FHIT: variants seen among roughly 807,000 people sequenced by gnomAD.
The protein encoded by FHIT is bis(5'-adenosyl)-triphosphatase.
Under a neutral mutation model 17.9 loss-of-function variants are expected in FHIT, and 19 were observed. The observed-to-expected ratio is 1.06, with a 90% confidence interval of 0.74 to 1.56. The LOEUF (loss-of-function observed/expected upper bound fraction) is 1.56. FHIT is among the 40% of genes most tolerant of loss of function. FHIT has a pLI of 0.00. For synonymous variants in FHIT, 81 were observed against 69.7 expected, an observed-to-expected ratio of 1.16 and a Z score of -0.81; for missense variants, 248 against 189.2, an observed-to-expected ratio of 1.31 and a Z score of -1.82.
intron 8 of FHIT, among the ~76,000 whole-genome samples, chr3:59,790,459 C>T (rs967654828): frequency 8.5e-5 from 13 of 152,102 alleles, no homozygotes; most frequent in African/African-American, 3.1e-4. Context: ...GCTTCCCTAA[C>T]TTTTACTTTC....
At chr3:60,590,214 G>A (rs1048248151) in intron 4 of FHIT, among the ~76,000 whole-genome samples, 1 of 151,948 alleles carries the variant, frequency 6.6e-6, no homozygotes. Flanking sequence ...TCTGTGGAAC[G>A]CTTCAGATCA....
chr3:60,545,133 A>G (rs374777875), intron 4 of FHIT, among the ~76,000 whole-genome samples: 6 of 151,648 alleles, frequency 4.0e-5, no homozygotes, highest in African/African-American at 1.2e-4. Flanking sequence ...TCTTAGCCAT[A>G]TATCCTTTTC....
At chr3:60,889,505 A>G (rs1553760143) in intron 3 of FHIT, among the ~76,000 whole-genome samples, 1 of 152,238 alleles carries the variant, frequency 6.6e-6, no homozygotes, top group African/African-American at 2.4e-5. Context: ...GCTACAATCT[A>G]TAGAGCACTT....
At chr3:60,022,056 C>T (rs1700571947) in intron 5 of FHIT, among the ~76,000 whole-genome samples, 1 of 152,140 alleles carries the variant, frequency 6.6e-6, no homozygotes. Context: ...TGCTTATCTA[C>T]AAAATAATAA....
intron 5 of FHIT, among the ~76,000 whole-genome samples, chr3:60,426,093 C>G (rs1702653875): frequency 6.6e-6 from 1 of 152,128 alleles, no homozygotes; most frequent in African/African-American, 2.4e-5. Flanking sequence ...AGCCTGGGCT[C>G]CAGAGCCAGA....
At chr3:59,954,156 C>G (rs1707269373) in intron 7 of FHIT, among the ~76,000 whole-genome samples, 1 of 150,664 alleles carries the variant, frequency 6.6e-6, no homozygotes, top group Non-Finnish European at 1.5e-5. Context: ...GGCACTTGCA[C>G]TATTGTTTAC....
intron 3 of FHIT, among the ~76,000 whole-genome samples, chr3:60,872,100 G>C (rs1222091233): frequency 3.9e-5 from 6 of 152,222 alleles, no homozygotes; most frequent in African/African-American, 1.2e-4. Context: ...GGAATTGCAT[G>C]TTTTGCCTGC....
intron 4 of FHIT, among the ~76,000 whole-genome samples, chr3:60,759,951 C>T (rs879979995): frequency 4.0e-5 from 6 of 151,124 alleles, no homozygotes; most frequent in Non-Finnish European, 7.4e-5. Context: ...TCCTTTTTTC[C>T]TTCCTTCCTG....
At chr3:59,871,348 ATAAC>A (rs1243869263) in intron 8 of FHIT, among the ~76,000 whole-genome samples, 1 of 152,162 alleles carries the variant, frequency 6.6e-6, no homozygotes, top group African/African-American at 2.4e-5. Flanking sequence ...TGCGCTATTA[ATAAC>A]TAATATTTGT....
chr3:60,420,141 G>A (rs182596891), intron 5 of FHIT, among the ~76,000 whole-genome samples: 2 of 152,208 alleles, frequency 1.3e-5, no homozygotes, highest in African/African-American at 4.8e-5. Flanking sequence ...CTTTCATTGT[G>A]CGTAAATATA....
chr3:61,158,973 T>C (rs1189311771), intron 2 of FHIT, among the ~76,000 whole-genome samples: 1 of 152,218 alleles, frequency 6.6e-6, no homozygotes, highest in Non-Finnish European at 1.5e-5. Flanking sequence ...CCCATGATAT[T>C]AGACCAAAAT....
chr3:60,965,902 A>C (rs1346001569), intron 3 of FHIT, among the ~76,000 whole-genome samples: 1 of 152,142 alleles, frequency 6.6e-6, no homozygotes, highest in East Asian at 1.9e-4. Flanking sequence ...CCACTTGAGG[A>C]GGCATTCTGT....
At chr3:60,121,288 T>C (rs1247948708) in intron 5 of FHIT, among the ~76,000 whole-genome samples, 1 of 152,194 alleles carries the variant, frequency 6.6e-6, no homozygotes, top group Non-Finnish European at 1.5e-5. Context: ...TAATCGATAA[T>C]ATGACTATAA....
chr3:60,208,101 A>G (rs1197689297), intron 5 of FHIT, among the ~76,000 whole-genome samples: 1 of 152,150 alleles, frequency 6.6e-6, no homozygotes, highest in African/African-American at 2.4e-5. Flanking sequence ...TTCCTCTACT[A>G]TTGGGATACA....
Position 60,589,745 on chromosome 3 carries a change from T to TCC in FHIT, c.-17-52768_-17-52767dup, listed in dbSNP as rs782400304. 3.3e-5 allele frequency among the ~76,000 whole-genome samples: 5 copies of TCC among 152,174 alleles called. No homozygotes were observed. In the South Asian group the frequency reaches 8.3e-4, roughly 25 times the overall value. On this transcript the variant is annotated intron_variant, in intron 4 of 9. Coordinates refer to ENST00000492590, the MANE Select transcript of FHIT (RefSeq NM_002012.4). ...TTAATAGTATATGATACTACTTGTTTCCCCCACACCTTCACCAAAGCAGTA... is the reference window on the plus strand; with the variant it reads ...TTAATAGTATATGATACTACTTGTTTCCCCCCCACACCTTCACCAAAGCAGTA...
At chr3:60,852,147 C>A (rs1254064299) in intron 3 of FHIT, among the ~76,000 whole-genome samples, 1 of 152,126 alleles carries the variant, frequency 6.6e-6, no homozygotes, top group African/African-American at 2.4e-5. Context: ...AAAGCTGACC[C>A]TCATGCAAGA....
Position 60,583,140 on chromosome 3 carries a change from G to A in FHIT, c.-17-46161C>T, listed in dbSNP as rs114020058. Among the ~76,000 whole-genome samples, 1,410 of 152,012 alleles carry A rather than the reference G, an allele frequency of 9.3e-3. 29 individuals carry two copies. Among genetic ancestry groups the A allele is most frequent in the African/African-American group, 0.033 (1,350 of 41,492 alleles). On this transcript the variant is annotated intron_variant, in intron 4 of 9. Coordinates refer to ENST00000492590, the MANE Select transcript of FHIT (RefSeq NM_002012.4). Reference sequence around the variant, plus strand: ...TAGGTAATGAAAGAAACTGAAAGGAGGTGATTCGGGCAGAATGAGAAATTC... The same window carrying A: ...TAGGTAATGAAAGAAACTGAAAGGAAGTGATTCGGGCAGAATGAGAAATTC...
intron 5 of FHIT, among the ~76,000 whole-genome samples, chr3:60,076,347 T>G (rs905185174): frequency 6.6e-6 from 1 of 152,116 alleles, no homozygotes; most frequent in African/African-American, 2.4e-5. Flanking sequence ...TAATATTAAG[T>G]TGGATATGCC....
At chr3:60,707,286 G>T (rs1409495505) in intron 4 of FHIT, among the ~76,000 whole-genome samples, 1 of 152,158 alleles carries the variant, frequency 6.6e-6, no homozygotes, top group East Asian at 1.9e-4. Context: ...ATGATTCTAT[G>T]ATCTACTATA....
Sources: allele counts gnomAD v4.1 joint callset (sites outside exome capture counted in the v4.1 genomes callset), GRCh38; gene constraint gnomAD v4.1.1; transcripts MANE v1.5; gene names NCBI Gene and HGNC (gene_info 2026-07-23, HGNC 2026-07-21).